ZNF728: variants seen among roughly 807,000 people sequenced by gnomAD.
ZNF728 encodes the protein zinc finger protein 728.
ZNF728 carries 12 observed loss-of-function variants against 12.5 expected under a neutral mutation model. That is an observed-to-expected ratio of 0.96 (90% confidence interval 0.61 to 1.55). The LOEUF (loss-of-function observed/expected upper bound fraction) is 1.55. Ranked by LOEUF, ZNF728 falls within the 40% of genes most tolerant of loss-of-function variation. The pLI is 0.00. For missense variants in ZNF728, 692 were observed against 719.2 expected, an observed-to-expected ratio of 0.96 and a Z score of 0.43; for synonymous variants, 205 against 240.7, an observed-to-expected ratio of 0.85 and a Z score of 1.37.
Position 22,977,067 on chromosome 19 carries a change from G to A in ZNF728, c.270C>T (p.Gly90=). ...TCACTTTTTGGAAAGAATCTTCTCT[G>A]CCCTGCTCTGGCCAAAGGTCTTGAG... is the stretch of plus-strand genomic sequence containing the variant. The part of the protein sequence containing the change: ...HFAQDLWPEQ[G]REDSFQKVIL... The change falls in exon 4 of 4, where the codon GGC becomes GGT. Residue 90 remains glycine (G), a synonymous_variant. Transcript: ENST00000594710. The A allele has an allele frequency of 6.2e-7, 1 of 1,608,598 alleles. No homozygotes were observed. The highest frequency in any genetic ancestry group is 8.5e-7 in the Non-Finnish European group (1 of 1,177,982).
chr19:22,998,223 TA>T (rs1969069711), intron 1 of ZNF728, among the ~76,000 whole-genome samples: 1 of 151,928 alleles, frequency 6.6e-6, no homozygotes, highest in Non-Finnish European at 1.5e-5. Context: ...GTAGACTGGA[TA>T]AAGAAAATAT....
intron 1 of ZNF728, among the ~76,000 whole-genome samples, chr19:23,000,926 T>G (rs1919254): frequency 7.8e-6 from 1 of 127,814 alleles, no homozygotes. Context: ...AAGTGAACAA[T>G]GCATTTAATC....
chr19:22,985,285 T>C (rs917039237), intron 3 of ZNF728, among the ~76,000 whole-genome samples: 2 of 152,202 alleles, frequency 1.3e-5, no homozygotes, highest in African/African-American at 4.8e-5. Context: ...CCCTATTTGC[T>C]TAACCCCCAA....
chr19:22,986,654 C>T (rs957804060), intron 3 of ZNF728, among the ~76,000 whole-genome samples: 1 of 151,790 alleles, frequency 6.6e-6, no homozygotes, highest in Non-Finnish European at 1.5e-5. Context: ...TGTTAAAATG[C>T]CATATTATCC....
intron 3 of ZNF728, among the ~76,000 whole-genome samples, chr19:22,980,766 G>C (rs1292144094): frequency 6.6e-6 from 1 of 152,100 alleles, no homozygotes; most frequent in African/African-American, 2.4e-5. Context: ...ACCTGCTCCT[G>C]AATGACTACA....
chr19:22,992,271 C>G (rs747133335), intron 1 of ZNF728, among the ~76,000 whole-genome samples: 17 of 152,104 alleles, frequency 1.1e-4, no homozygotes, highest in Non-Finnish European at 2.2e-4. Flanking sequence ...GAGACTGAGT[C>G]TCACTTTGTT....
chr19:22,988,468 A>C lies in ZNF728; in HGVS notation c.4-17T>G, dbSNP rs1568276580. 2 of 1,613,332 alleles carry C rather than the reference A, an allele frequency of 1.2e-6. No homozygotes were observed. The highest frequency in any genetic ancestry group is 4.5e-5 in the East Asian group (2 of 44,858). ...CAACGATCCCTGGAAAACACACACA[A>C]ACACACATATTTACCAAGTGGTCAT... is the stretch of plus-strand genomic sequence containing the variant. On this transcript the variant is annotated splice_polypyrimidine_tract_variant and intron_variant, in intron 1 of 3. Coordinates refer to ENST00000594710, the MANE Select transcript of ZNF728 (RefSeq NM_001267716.2).
intron 1 of ZNF728, among the ~76,000 whole-genome samples, chr19:22,997,090 A>G (rs1216693698): frequency 6.6e-6 from 1 of 152,214 alleles, no homozygotes; most frequent in East Asian, 1.9e-4. Flanking sequence ...ACTAATGGAC[A>G]GATCATTGAA....
chr19:22,997,366 C>T (rs1367603114), intron 1 of ZNF728, among the ~76,000 whole-genome samples: 3 of 152,016 alleles, frequency 2.0e-5, no homozygotes, highest in Non-Finnish European at 4.4e-5. Context: ...GGAAACCATA[C>T]AATTAAATAA....
intron 1 of ZNF728, among the ~76,000 whole-genome samples, chr19:22,992,488 C>T (rs556950748): frequency 6.6e-6 from 1 of 152,214 alleles, no homozygotes; most frequent in South Asian, 2.1e-4. Flanking sequence ...GGTGATCCAC[C>T]CACCTTGGCT....
chr19:22,988,652 T>C (rs1968946749), intron 1 of ZNF728, among the ~76,000 whole-genome samples: 1 of 152,178 alleles, frequency 6.6e-6, no homozygotes, highest in African/African-American at 2.4e-5. Context: ...TGGTATAAGA[T>C]CCATAACATC....
chr19:22,994,421 A>G (rs1969027187), intron 1 of ZNF728, among the ~76,000 whole-genome samples: 1 of 152,232 alleles, frequency 6.6e-6, no homozygotes, highest in Non-Finnish European at 1.5e-5. Context: ...TCAGCCCCAG[A>G]GGAACTGCAC....
chr19:22,998,782 C>T (rs990872501), intron 1 of ZNF728, among the ~76,000 whole-genome samples: 3 of 152,174 alleles, frequency 2.0e-5, no homozygotes, highest in African/African-American at 4.8e-5. Flanking sequence ...TAATAAAATT[C>T]TCTATCCTCT....
intron 3 of ZNF728, among the ~76,000 whole-genome samples, chr19:22,980,187 A>AAAAAAAAAAAGAAAC (rs2145335005): frequency 7.3e-6 from 1 of 136,732 alleles, no homozygotes; most frequent in Admixed American, 6.9e-5. Context: ...ATGGAAAGCA[A>AAAAAAAAAAAGAAAC]AAAAAAAAAA....
intron 2 of ZNF728, among the ~76,000 whole-genome samples, chr19:22,988,023 C>T (rs1968937590): frequency 6.6e-6 from 1 of 152,044 alleles, no homozygotes; most frequent in Non-Finnish European, 1.5e-5. Flanking sequence ...TTGAGGTTAT[C>T]TACTGGAACA....
chr19:22,988,324 C>T lies in ZNF728; in HGVS notation c.130+1G>A. 6.2e-7 allele frequency: 1 copy of T among 1,614,112 alleles called. No individual in the cohort carries two copies. Among genetic ancestry groups the T allele is most frequent in the South Asian group, 1.1e-5 (1 of 91,090 alleles). The stretch of plus-strand genomic sequence containing the variant: ...GAATTGCGTATTAAAGTTATTCTCA[C>T]CCAGGAAGACCAGGTTTCTGTAGTT... On this transcript the variant is annotated splice_donor_variant, in intron 2 of 3. Coordinates refer to ENST00000594710, the MANE Select transcript of ZNF728 (RefSeq NM_001267716.2). LOFTEE classifies it high-confidence loss of function.
chr19:22,997,165 T>C (rs1969058734), intron 1 of ZNF728, among the ~76,000 whole-genome samples: 1 of 152,090 alleles, frequency 6.6e-6, no homozygotes, highest in African/African-American at 2.4e-5. Flanking sequence ...CTAATACACA[T>C]CTACAGAACT....
intron 1 of ZNF728, among the ~76,000 whole-genome samples, chr19:22,989,259 GAA>G (rs1434551739): frequency 1.5e-4 from 23 of 151,404 alleles, no homozygotes; most frequent in African/African-American, 5.3e-4. Flanking sequence ...CTGAGTTGCT[GAA>G]TTTTTAAAAA....
At chr19:22,996,919 A>G (rs1969056451) in intron 1 of ZNF728, among the ~76,000 whole-genome samples, 1 of 152,210 alleles carries the variant, frequency 6.6e-6, no homozygotes, top group Admixed American at 6.5e-5. Flanking sequence ...AATTTTGCAC[A>G]GTGTGTGCAC....
Sources: gnomAD v4.1 joint callset for allele counts (sites outside exome capture counted in the v4.1 genomes callset) on GRCh38, gnomAD v4.1.1 for gene constraint, MANE v1.5 for transcripts, NCBI Gene and HGNC (gene_info 2026-07-23, HGNC 2026-07-21) for gene names.